Variants in TAMM41 observed in about 807,000 individuals in gnomAD.
The protein encoded by TAMM41 is TAM41 mitochondrial translocator assembly and maintenance homolog, also known as phosphatidate cytidylyltransferase, mitochondrial.
A neutral mutation model predicts 44.1 loss-of-function variants in TAMM41; 36 were observed. That is an observed-to-expected ratio of 0.82 (90% CI 0.63 to 1.08). The LOEUF (loss-of-function observed/expected upper bound fraction) is 1.08. TAMM41 is among the 50% of genes least tolerant of loss of function. The pLI, the probability that TAMM41 is intolerant of heterozygous loss-of-function variation, is 0.00. For missense variants in TAMM41, 417 were observed against 404.3 expected (o/e 1.03, Z -0.27); for synonymous variants, 164 against 153.1 (o/e 1.07, Z -0.53).
intron 7 of TAMM41, among the ~76,000 whole-genome samples, chr3:11,804,527 T>A (rs1045716607): frequency 4.1e-4 from 62 of 152,164 alleles, no homozygotes; most frequent in Non-Finnish European, 8.8e-5. Context: ...TTGTCACAAC[T>A]GAAAAATAAT....
chr3:11,748,008 G>A, the TAMM41 span, among the ~76,000 whole-genome samples: 1 of 150,940 alleles, frequency 6.6e-6, no homozygotes, highest in East Asian at 2.0e-4. Context: ...CCGAGTAGCT[G>A]GGACTACAGG....
chr3:11,825,350 T>C (rs998171149), intron 4 of TAMM41, among the ~76,000 whole-genome samples: 1 of 152,166 alleles, frequency 6.6e-6, no homozygotes, highest in Non-Finnish European at 1.5e-5. Context: ...GACTACTGAG[T>C]AACCTGAGTT....
chr3:11,833,541 C>A (rs1286651798), intron 3 of TAMM41, among the ~76,000 whole-genome samples: 1 of 152,150 alleles, frequency 6.6e-6, no homozygotes, highest in African/African-American at 2.4e-5. Flanking sequence ...AGAAGAAACG[C>A]TGAACATTAG....
chr3:11,837,071 T>G (rs2079211508), intron 3 of TAMM41, among the ~76,000 whole-genome samples: 1 of 152,226 alleles, frequency 6.6e-6, no homozygotes, highest in Non-Finnish European at 1.5e-5. Flanking sequence ...CTGGACATTT[T>G]AAGGAGCTAC....
chr3:11,829,091 G>T (rs571504611), intron 4 of TAMM41, among the ~76,000 whole-genome samples: 13 of 152,088 alleles, frequency 8.5e-5, no homozygotes, highest in African/African-American at 2.2e-4. Context: ...TCTCAGTTTG[G>T]GACATAATAT....
the TAMM41 span, among the ~76,000 whole-genome samples, chr3:11,744,347 T>C: frequency 0.67 from 101,942 of 151,764 alleles, 35,384 homozygotes; most frequent in African/African-American, 0.85. Flanking sequence ...GGATTACAGG[T>C]GTGAGCCACC....
intron 5 of TAMM41, among the ~76,000 whole-genome samples, chr3:11,815,106 T>C (rs6767668): frequency 0.15 from 23,243 of 152,018 alleles, 3,984 homozygotes; most frequent in East Asian, 0.48. Flanking sequence ...AAAGGGAGGG[T>C]AGAATTTTCA....
At chr3:11,832,206 T>C (rs2079008268) in intron 3 of TAMM41, among the ~76,000 whole-genome samples, 1 of 151,812 alleles carries the variant, frequency 6.6e-6, no homozygotes, top group Non-Finnish European at 1.5e-5. Flanking sequence ...CTAAACCTTA[T>C]AGAGTTGGCT....
the TAMM41 span, among the ~76,000 whole-genome samples, chr3:11,741,290 G>A: frequency 1.4e-5 from 2 of 146,872 alleles, no homozygotes; most frequent in African/African-American, 5.3e-5. Flanking sequence ...CCAAGATGGT[G>A]CCCTGTTGCT....
downstream of TAMM41, among the ~76,000 whole-genome samples, chr3:11,790,082 T>C (rs1295888587): frequency 6.6e-6 from 1 of 152,122 alleles, no homozygotes; most frequent in African/African-American, 2.4e-5. Flanking sequence ...GACGTGACAC[T>C]TGCGAGCCCC....
chr3:11,809,427 A>C, intron 6 of TAMM41, 90 bp downstream of exon 6: 2 of 1,498,936 alleles, frequency 1.3e-6, no homozygotes, highest in Non-Finnish European at 1.8e-6. Context: ...CTCGCTAAAC[A>C]AAAAGGAAGA....
the TAMM41 span, among the ~76,000 whole-genome samples, chr3:11,761,406 C>G: frequency 1.3e-5 from 2 of 152,050 alleles, no homozygotes; most frequent in Non-Finnish European, 2.9e-5. Context: ...TTGCCTCTAT[C>G]CAGCCCCTGT....
the TAMM41 span, chr3:11,771,248 G>A: frequency 3.9e-5 from 6 of 152,268 alleles, no homozygotes; most frequent in Admixed American, 3.9e-4. Flanking sequence ...CTCACCTGGT[G>A]AGTCACCCTG....
chr3:11,765,032 C>T, the TAMM41 span, among the ~76,000 whole-genome samples: 1 of 152,178 alleles, frequency 6.6e-6, no homozygotes, highest in Non-Finnish European at 1.5e-5. Context: ...CTTAGTTGGC[C>T]TCACCTTTCC....
In TAMM41 at chr3:11,839,326, A is replaced by T. The variant is rs1334684167; in HGVS notation, c.319-12T>A. 5 of 1,552,874 alleles carry T rather than the reference A, an allele frequency of 3.2e-6. No homozygotes were observed. The South Asian group carries it at 5.7e-5, about 18-fold the overall frequency. On this transcript the variant is annotated splice_polypyrimidine_tract_variant and intron_variant, in intron 2 of 7. Transcript: ENST00000455809. ...CCATATTTGATAAGCTGAAGGAAAA[A>T]AGAAATGGCACAAAACGGAGTAAAA...
chr3:11,746,119 T>G, the TAMM41 span, among the ~76,000 whole-genome samples: 1 of 151,832 alleles, frequency 6.6e-6, no homozygotes, highest in African/African-American at 2.4e-5. Context: ...GCTAACACAG[T>G]GAAACCCCGT....
At chr3:11,730,119 C>T in the TAMM41 span, among the ~76,000 whole-genome samples, 3 of 152,142 alleles carry the variant, frequency 2.0e-5, no homozygotes, top group East Asian at 5.8e-4. Flanking sequence ...CGCAGTGGCT[C>T]AAGCCTATAA....
At chr3:11,739,315 C>T in the TAMM41 span, among the ~76,000 whole-genome samples, 3 of 152,174 alleles carry the variant, frequency 2.0e-5, no homozygotes, top group African/African-American at 7.2e-5. Flanking sequence ...TCCACTCTCC[C>T]CTTGCCCTAA....
the TAMM41 span, among the ~76,000 whole-genome samples, chr3:11,770,970 C>T: frequency 1.3e-5 from 2 of 152,172 alleles, no homozygotes; most frequent in African/African-American, 2.4e-5. Flanking sequence ...GTTCCCTCCT[C>T]TCTGCCCAGA....
Sources: gnomAD v4.1 joint callset for allele counts (sites outside exome capture counted in the v4.1 genomes callset) on GRCh38, gnomAD v4.1.1 for gene constraint, MANE v1.5 for transcripts, NCBI Gene and HGNC (gene_info 2026-07-23, HGNC 2026-07-21) for gene names.